DNAH11: variants seen among roughly 807,000 people sequenced by gnomAD.
The protein encoded by DNAH11 is dynein axonemal heavy chain 11.
DNAH11 carries 442 observed loss-of-function variants against 526.0 expected under a neutral mutation model. That is an observed-to-expected ratio of 0.84 (90% confidence interval 0.78 to 0.91). DNAH11 has a LOEUF of 0.91. DNAH11 is among the 40% of genes least tolerant of loss of function. The pLI is 0.00. For missense variants in DNAH11, 6,989 were observed against 5,448.7 expected (o/e 1.28, Z -8.90); for synonymous variants, 2,461 against 1,935.9 (o/e 1.27, Z -7.12).
At chr7:21,753,710 A>C (rs1786508726) in intron 54 of DNAH11, among the ~76,000 whole-genome samples, 1 of 152,200 alleles carries the variant, frequency 6.6e-6, no homozygotes, top group Non-Finnish European at 1.5e-5. Context: ...TCAGCATTGC[A>C]CTATAAATTA....
At chr7:21,796,366 G>C (rs145706103) in intron 61 of DNAH11, among the ~76,000 whole-genome samples, 1 of 152,114 alleles carries the variant, frequency 6.6e-6, no homozygotes, top group African/African-American at 2.4e-5. Context: ...GGGATAAATC[G>C]ATCACATTTG....
At chr7:21,704,691 A>T in intron 38 of DNAH11, 63 bp downstream of exon 38, 1 of 1,536,744 alleles carries the variant, frequency 6.5e-7, no homozygotes, top group Non-Finnish European at 8.8e-7. Flanking sequence ...AATTGTGGCT[A>T]ATTGATACTA....
At chr7:21,682,076 C>T (rs531966045) in intron 31 of DNAH11, among the ~76,000 whole-genome samples, 23 of 152,156 alleles carry the variant, frequency 1.5e-4, no homozygotes, top group Non-Finnish European at 2.8e-4. Context: ...GTCTGTGTGC[C>T]TTTGATACAT....
intron 63 of DNAH11, among the ~76,000 whole-genome samples, chr7:21,814,654 A>G (rs1282844032): frequency 1.3e-5 from 2 of 151,676 alleles, no homozygotes; most frequent in Non-Finnish European, 2.9e-5. Flanking sequence ...AAATAATGTA[A>G]TTGTACTACA....
intron 8 of DNAH11, among the ~76,000 whole-genome samples, chr7:21,575,870 A>G (rs1001418375): frequency 6.6e-5 from 10 of 152,332 alleles, no homozygotes; most frequent in African/African-American, 2.4e-4. Flanking sequence ...GTGTCACTAC[A>G]ATAGCATTGC....
At chr7:21,861,290 G>T (rs1402823388) in intron 68 of DNAH11, among the ~76,000 whole-genome samples, 3 of 152,148 alleles carry the variant, frequency 2.0e-5, no homozygotes, top group Admixed American at 6.5e-5. Flanking sequence ...ATGGACTGCC[G>T]CATGTAATTT....
At chr7:21,887,342 G>T (rs1784163003) in intron 76 of DNAH11, among the ~76,000 whole-genome samples, 1 of 152,204 alleles carries the variant, frequency 6.6e-6, no homozygotes, top group African/African-American at 2.4e-5. Context: ...CATAAAGCAT[G>T]TATTTGGCAG....
Position 21,807,880 on chromosome 7 carries a change from C to G in DNAH11, c.10166-3C>G, listed in dbSNP as rs1314158495. The G allele has an allele frequency of 1.3e-6, 2 of 1,586,610 alleles. No individual in the cohort carries two copies. Among genetic ancestry groups the G allele is most frequent in the Non-Finnish European group, 1.7e-6 (2 of 1,158,676 alleles). On this transcript the variant is annotated splice_region_variant and splice_polypyrimidine_tract_variant and intron_variant, in intron 62 of 81. Coordinates refer to ENST00000409508, the MANE Select transcript of DNAH11 (RefSeq NM_001277115.2). Reference sequence around the variant, plus strand: ...CAGCTGAGTAATTTCATCTTTCAGTCAGAGAAGATTCGCTGGGGTCAATCC... The same window carrying G: ...CAGCTGAGTAATTTCATCTTTCAGTGAGAGAAGATTCGCTGGGGTCAATCC...
In DNAH11 at chr7:21,817,389, G is replaced by T. The variant is rs78198394; in HGVS notation, c.10568+687G>T. ...AATTTCTGTAGTTATACAAGTAAAT[G>T]TAGTTCTTAGGCCAGGTACAGTAGC... On this transcript the variant is annotated intron_variant, in intron 64 of 81. Transcript: ENST00000409508. Among the ~76,000 whole-genome samples, 116 of 151,986 alleles carry T rather than the reference G, an allele frequency of 7.6e-4. 1 individual carries two copies. In the East Asian group the frequency reaches 0.016, roughly 21 times the overall value.
At chr7:21,697,062 T>A (rs1319962996) in intron 35 of DNAH11, among the ~76,000 whole-genome samples, 1 of 152,160 alleles carries the variant, frequency 6.6e-6, no homozygotes, top group African/African-American at 2.4e-5. Flanking sequence ...AAAGATACTT[T>A]AAGGTTAGAT....
chr7:21,591,377 T>C lies in DNAH11; in HGVS notation c.2467T>C (p.Leu823=). The change falls in exon 14 of 82, where the codon TTG becomes CTG. Residue 823 remains leucine (L), a synonymous_variant. Transcript: ENST00000409508. ...GAGGGTGAGGGCAGCCACGTCCGAGTTGGAGCACAGAGTTGAGCGCACACA... is the reference window on the plus strand; with the variant it reads ...GAGGGTGAGGGCAGCCACGTCCGAGCTGGAGCACAGAGTTGAGCGCACACA... ...IERVRAATSE[L]EHRVERTQKN... 1 of 1,613,050 alleles carries C rather than the reference T, an allele frequency of 6.2e-7. No homozygotes were observed. Among genetic ancestry groups the C allele is most frequent in the East Asian group, 2.2e-5 (1 of 44,830 alleles).
intron 57 of DNAH11, among the ~76,000 whole-genome samples, chr7:21,783,859 G>A (rs1174057617): frequency 1.3e-5 from 2 of 152,064 alleles, no homozygotes; most frequent in Non-Finnish European, 2.9e-5. Context: ...TCATGTCCGT[G>A]GAGAAACCAG....
At chr7:21,657,308 T>G (rs1699064436) in intron 29 of DNAH11, among the ~76,000 whole-genome samples, 1 of 152,188 alleles carries the variant, frequency 6.6e-6, no homozygotes, top group African/African-American at 2.4e-5. Flanking sequence ...AAATGGCCCT[T>G]GTCTTCGAGG....
At chr7:21,765,053 CAG>C (rs1401221717) in intron 54 of DNAH11, among the ~76,000 whole-genome samples, 5 of 152,126 alleles carry the variant, frequency 3.3e-5, no homozygotes, top group African/African-American at 4.8e-5. Context: ...ATGGAAGAAA[CAG>C]AAGATGAAAA....
intron 35 of DNAH11, among the ~76,000 whole-genome samples, chr7:21,694,722 G>A (rs1783775343): frequency 6.6e-6 from 1 of 152,116 alleles, no homozygotes; most frequent in Admixed American, 6.5e-5. Context: ...CCCAGTAATG[G>A]GATTGCTGGG....
rs1785067289 is a variant in DNAH11, at chr7:21,601,109, A to T, written c.3355A>T (p.Ser1119Cys). 6.2e-7 allele frequency: 1 copy of T among 1,610,290 alleles called. No homozygotes were observed. The highest frequency in any genetic ancestry group is 8.5e-7 in the Non-Finnish European group (1 of 1,179,246). ...FKVDMKPFKV[S>C]LLTIIKKWSW... The stretch of plus-strand genomic sequence containing the variant: ...GGTGGACATGAAGCCTTTCAAAGTG[A>T]GCTTGTTAACCATAATTAAGAAATG... Residue 1119 changes from serine to cysteine, a missense_variant, in exon 17 of 82, where the codon AGC (serine) becomes TGC (cysteine). Physicochemically the swap from Ser to Cys is moderately radical, Grantham distance 112. Coordinates refer to ENST00000409508, the MANE Select transcript of DNAH11 (RefSeq NM_001277115.2).
At chr7:21,704,829 A>G (rs1043804288) in intron 38 of DNAH11, among the ~76,000 whole-genome samples, 3 of 152,240 alleles carry the variant, frequency 2.0e-5, no homozygotes, top group African/African-American at 4.8e-5. Flanking sequence ...AGGTGAAAAC[A>G]TAGATATGAT....
At chr7:21,599,071 A>G (rs1784972057) in intron 14 of DNAH11, among the ~76,000 whole-genome samples, 1 of 152,198 alleles carries the variant, frequency 6.6e-6, no homozygotes, top group African/African-American at 2.4e-5. Context: ...TTTATAATAG[A>G]ATGATTTATA....
intron 60 of DNAH11, 34 bp from the exon 61 acceptor site, chr7:21,789,207 C>G (rs956429816): frequency 4.2e-6 from 6 of 1,426,380 alleles, no homozygotes; most frequent in African/African-American, 2.8e-5. Context: ...ATTACTTATC[C>G]TCTTTGTATC....
Sources: allele counts gnomAD v4.1 joint callset (sites outside exome capture counted in the v4.1 genomes callset), GRCh38; gene constraint gnomAD v4.1.1; transcripts MANE v1.5; gene names NCBI Gene and HGNC (gene_info 2026-07-23, HGNC 2026-07-21).